Variants in IL17B observed in about 807,000 individuals in gnomAD.
IL17B encodes the protein interleukin 17B, also known as interleukin-17B.
A neutral mutation model predicts 14.7 loss-of-function variants in IL17B; 14 were observed. The observed-to-expected ratio is 0.95, with a 90% CI of 0.63 to 1.49. IL17B has a LOEUF of 1.49. Among genes scored for constraint, IL17B ranks in the 40% most tolerant of loss-of-function variants. The probability of loss-of-function intolerance (pLI) is 0.00; values close to 1 mark genes in which losing one functional copy is unlikely to be tolerated. For missense variants in IL17B, 233 were observed against 252.8 expected (o/e 0.92, Z 0.53); for synonymous variants, 105 against 94.8 (o/e 1.11, Z -0.62).
chr5:149,398,077 C>T (rs1759127230), intron 1 of IL17B, among the ~76,000 whole-genome samples: 1 of 152,170 alleles, frequency 6.6e-6, no homozygotes, highest in Non-Finnish European at 1.5e-5. Context: ...CTAGATAGCC[C>T]TTCATCCAGT....
intron 1 of IL17B, among the ~76,000 whole-genome samples, chr5:149,387,522 A>G (rs1387427540): frequency 1.3e-5 from 2 of 152,172 alleles, no homozygotes; most frequent in Non-Finnish European, 2.9e-5. Context: ...TCATTTCAAC[A>G]CTTTGAGAGG....
At chr5:149,399,308 C>A (rs529677784) in intron 1 of IL17B, among the ~76,000 whole-genome samples, 43 of 152,294 alleles carry the variant, frequency 2.8e-4, no homozygotes, top group African/African-American at 1.0e-3. Flanking sequence ...AAGTTAGTGG[C>A]ACAACTGGGC....
Position 149,374,590 on chromosome 5 carries a change from C to T in IL17B, c.322G>A (p.Asp108Asn), listed in dbSNP as rs770259524. Residue 108 changes from aspartate (D) to asparagine (N), a missense_variant, in exon 3 of 3, where the codon GAC (aspartate) becomes AAC (asparagine). Physicochemically the swap from Asp to Asn is conservative, Grantham distance 23 (BLOSUM62 1). Transcript: ENST00000261796. This position sits in a 1 kb window ranked among gnomAD's most constrained non-coding sequence, Gnocchi z 5.0. ...AGGTCCACGGGGATACGGCTGGGGT[C>T]GTGGTTGATGCTGCAGGGAGCAGAA... ...LSPWGYSINH[D>N]PSRIPVDLPE... The T allele has an allele frequency of 2.5e-5, 41 of 1,610,396 alleles. No homozygotes were observed. Among genetic ancestry groups the T allele is most frequent in the Non-Finnish European group, 3.1e-5 (36 of 1,178,004 alleles).
At chr5:149,401,459 C>T (rs2127623551) in intron 1 of IL17B, among the ~76,000 whole-genome samples, 1 of 152,330 alleles carries the variant, frequency 6.6e-6, no homozygotes, top group Non-Finnish European at 1.5e-5. Flanking sequence ...AATCCCAGCA[C>T]TTTGGGAGGC....
At chr5:149,390,072 T>C (rs1290348851) in intron 1 of IL17B, among the ~76,000 whole-genome samples, 1 of 152,188 alleles carries the variant, frequency 6.6e-6, no homozygotes, top group Non-Finnish European at 1.5e-5. Context: ...TGGAAATCAT[T>C]TCTAATAACG....
chr5:149,381,350 A>G (rs1375280063), upstream of IL17B, among the ~76,000 whole-genome samples: 7 of 152,208 alleles, frequency 4.6e-5, no homozygotes, highest in Non-Finnish European at 8.8e-5. Flanking sequence ...GCACGAGGCC[A>G]GTTTGGGAGC....
chr5:149,386,308 G>C (rs891047354), intron 1 of IL17B, among the ~76,000 whole-genome samples: 2 of 152,142 alleles, frequency 1.3e-5, no homozygotes, highest in African/African-American at 2.4e-5. Context: ...TTGCGATTAG[G>C]GCAGGATTAG....
chr5:149,376,348 A>G (rs1445532107), intron 2 of IL17B, among the ~76,000 whole-genome samples: 1 of 152,252 alleles, frequency 6.6e-6, no homozygotes, highest in Non-Finnish European at 1.5e-5. Flanking sequence ...GCCCAGGTCC[A>G]GCATAAGAGA....
upstream of IL17B, among the ~76,000 whole-genome samples, chr5:149,383,959 A>G (rs1272543587): frequency 6.6e-6 from 1 of 152,156 alleles, no homozygotes; most frequent in South Asian, 2.1e-4. Context: ...TGGGTTGCAA[A>G]TTGACTCTAC....
chr5:149,379,215 G>A lies in IL17B; in HGVS notation c.11C>T (p.Pro4Leu). The A allele has an allele frequency of 6.2e-7, 1 of 1,614,096 alleles. No homozygotes were observed. Residue 4 changes from proline (P) to leucine (L), a missense_variant, in exon 1 of 3, where the codon CCT (proline) becomes CTT (leucine). Transcript: ENST00000261796. ...GGAAGCGCCACGTACCAGGTTGTGA[G>A]GCCAGTCCATTCCGCCAAGCTGCAA... MDW[P>L]HNLLFLLTIS...
chr5:149,381,925 C>G (rs1388857835), upstream of IL17B, among the ~76,000 whole-genome samples: 1 of 152,156 alleles, frequency 6.6e-6, no homozygotes, highest in Non-Finnish European at 1.5e-5. Flanking sequence ...GGTCTTAACA[C>G]GCAGAGGGTG....
chr5:149,396,851 C>T lies in IL17B; in HGVS notation n.95+7257G>A, dbSNP rs143739222. On this transcript the variant is annotated intron_variant and non_coding_transcript_variant, in intron 1 of 2. Coordinates refer to the IL17B transcript ENST00000505432. ...AAAGACATCTCAATATCAGCAAGTGCCTTTGGTTCAGAAGGTCGCTGAACT... is the reference window on the plus strand; with the variant it reads ...AAAGACATCTCAATATCAGCAAGTGTCTTTGGTTCAGAAGGTCGCTGAACT... Among the ~76,000 whole-genome samples the T allele has an allele frequency of 5.3e-3, 812 of 152,290 alleles. 3 individuals are homozygous for T. The highest frequency in any genetic ancestry group is 0.01 in the Middle Eastern group (3 of 294).
At chr5:149,391,706 C>G in intron 1 of IL17B, among the ~76,000 whole-genome samples, 1 of 152,160 alleles carries the variant, frequency 6.6e-6, no homozygotes, top group Non-Finnish European at 1.5e-5. Flanking sequence ...GCAGGCCCGT[C>G]ACTGAGCTGT....
chr5:149,391,953 C>T (rs2127621259), intron 1 of IL17B, among the ~76,000 whole-genome samples: 1 of 152,276 alleles, frequency 6.6e-6, no homozygotes, highest in South Asian at 2.1e-4. Flanking sequence ...CTCCCCATGC[C>T]CTGCCCTCTT....
At chr5:149,375,065 T>G (rs1326686908) in intron 2 of IL17B, 1 of 156,590 alleles carries the variant, frequency 6.4e-6, no homozygotes, top group Non-Finnish European at 1.4e-5. Context: ...ACTGTGTTTA[T>G]ATTGTTGGGA....
At chr5:149,384,909 C>CTT (rs531690396) in intron 1 of IL17B, among the ~76,000 whole-genome samples, 6 of 131,768 alleles carry the variant, frequency 4.6e-5, no homozygotes, top group Non-Finnish European at 8.2e-5. Flanking sequence ...GGTTGTTGAG[C>CTT]TTTTTTTTTT....
At chr5:149,377,344 C>T (rs1331622277) in intron 1 of IL17B, among the ~76,000 whole-genome samples, 5 of 152,220 alleles carry the variant, frequency 3.3e-5, no homozygotes, top group Admixed American at 6.5e-5. Flanking sequence ...TTTAGCATCG[C>T]TTTCTTAGGG....
At chr5:149,382,315 C>A (rs1451197166), upstream of IL17B, among the ~76,000 whole-genome samples, 2 of 152,138 alleles carry the variant, frequency 1.3e-5, no homozygotes, top group African/African-American at 2.4e-5. Flanking sequence ...GTCGGGGTCA[C>A]CGATTCCAGG....
intron 1 of IL17B, among the ~76,000 whole-genome samples, chr5:149,391,914 G>A (rs1013638598): frequency 6.6e-6 from 1 of 152,092 alleles, no homozygotes; most frequent in African/African-American, 2.4e-5. Flanking sequence ...CAGTTCCCAG[G>A]CCTCCTCCTT....
Sources: allele counts gnomAD v4.1 joint callset (sites outside exome capture counted in the v4.1 genomes callset), GRCh38; gene constraint gnomAD v4.1.1; non-coding constraint Gnocchi (gnomAD v3.1); transcripts MANE v1.5; gene names NCBI Gene and HGNC (gene_info 2026-07-23, HGNC 2026-07-21).